CSDC2: variants seen among roughly 807,000 people sequenced by gnomAD.
CSDC2 encodes the protein cold shock domain-containing protein C2.
A neutral mutation model predicts 15.8 loss-of-function variants in CSDC2; 8 were observed. The ratio of observed to expected loss-of-function variants is 0.51; its 90% CI spans 0.30 to 0.92. The LOEUF (loss-of-function observed/expected upper bound fraction) is 0.92. Ranked by LOEUF, CSDC2 falls within the 40% of genes least tolerant of loss-of-function variation. The probability of loss-of-function intolerance (pLI) is 0.07; values close to 1 mark genes in which losing one functional copy is unlikely to be tolerated. For missense variants in CSDC2, 195 were observed against 213.3 expected (o/e 0.91, Z 0.53); for synonymous variants, 96 against 92.3 (o/e 1.04, Z -0.23).
At chr22:41,573,304 G>A (rs2067157623) in intron 2 of CSDC2, among the ~76,000 whole-genome samples, 2 of 151,730 alleles carry the variant, frequency 1.3e-5, no homozygotes, top group Non-Finnish European at 2.9e-5. Flanking sequence ...GCAGTGAGCT[G>A]AGATTGCACC....
At chr22:41,569,605 TTTC>T (rs1334052521) in intron 1 of CSDC2, among the ~76,000 whole-genome samples, 4 of 152,114 alleles carry the variant, frequency 2.6e-5, no homozygotes, top group Non-Finnish European at 4.4e-5. Context: ...TGAATCAGTA[TTTC>T]TTCTTTTCTT....
intron 1 of CSDC2, among the ~76,000 whole-genome samples, chr22:41,568,389 T>A (rs986754360): frequency 9.2e-5 from 14 of 152,100 alleles, no homozygotes; most frequent in Admixed American, 5.9e-4. Context: ...GTTCAAGCAA[T>A]CCTGCTGCCT....
intron 1 of CSDC2, among the ~76,000 whole-genome samples, chr22:41,565,071 C>T (rs867562389): frequency 2.0e-5 from 3 of 151,764 alleles, no homozygotes; most frequent in South Asian, 2.1e-4. Context: ...GAGGCTGAGG[C>T]AGGAGAATCA....
intron 2 of CSDC2, among the ~76,000 whole-genome samples, chr22:41,573,179 C>A (rs2067157030): frequency 6.6e-6 from 1 of 152,078 alleles, no homozygotes; most frequent in Admixed American, 6.6e-5. Flanking sequence ...CACTGCAAAA[C>A]CCTGTCTCTA....
In CSDC2 at chr22:41,573,711, G is replaced by A. The variant is rs773404459; in HGVS notation, c.233G>A (p.Arg78His). 5 of 1,613,616 alleles carry A rather than the reference G, an allele frequency of 3.1e-6. No individual in the cohort carries two copies. The African/African-American group carries it at 4.0e-5, about 13-fold the overall frequency. The change falls in exon 3 of 4, where the codon CGC becomes CAC. Residue 78 changes from arginine (R) to histidine (H), a missense_variant. Arg to His is a conservative substitution (Grantham distance 29). Transcript: ENST00000306149. ...VFKGVCKQFSRSQGHGFITPE... is the reference protein window; with the variant it reads ...VFKGVCKQFSHSQGHGFITPE... Reference sequence around the variant, plus strand: ...AAGGGCGTCTGTAAGCAGTTCTCACGCTCACAGGGCCATGGCTTCATCACC... The same window carrying A: ...AAGGGCGTCTGTAAGCAGTTCTCACACTCACAGGGCCATGGCTTCATCACC...
At chr22:41,570,177 T>A (rs2067138152) in intron 1 of CSDC2, among the ~76,000 whole-genome samples, 1 of 152,222 alleles carries the variant, frequency 6.6e-6, no homozygotes, top group South Asian at 2.1e-4. Flanking sequence ...CAACCTGGCA[T>A]GAGCTTAGAC....
chr22:41,573,800 T>C, intron 3 of CSDC2, 23 bp downstream of exon 3: 1 of 1,602,758 alleles, frequency 6.2e-7, no homozygotes, highest in Non-Finnish European at 8.5e-7. Context: ...CACCTCCCTG[T>C]TCTTGGCCCC....
Position 41,561,081 on chromosome 22 carries a change from C to CACACACACA in CSDC2, c.-225_-224insCACACACAA, listed in dbSNP as rs370154480. ...ACACACACACACACACACACACACA[C>CACACACACA]ATCTTCCAGACCCATCCCCTGCCTG... is the stretch of plus-strand genomic sequence containing the variant. On this transcript the variant is annotated 5_prime_UTR_variant, in exon 1 of 4. Transcript: ENST00000306149. The CACACACACA allele has an allele frequency of 2.5e-4, 17 of 67,752 alleles. No homozygotes were observed. The highest frequency in any genetic ancestry group is 5.6e-4 in the African/African-American group (15 of 26,928). The allele number at this position is 67,752 out of a possible 1,614,324, so 4.2% of individuals were successfully genotyped here.
chr22:41,569,570 T>C (rs2067134508), intron 1 of CSDC2, among the ~76,000 whole-genome samples: 1 of 152,164 alleles, frequency 6.6e-6, no homozygotes, highest in African/African-American at 2.4e-5. Flanking sequence ...GCATAATGTG[T>C]GCAGGGTTCA....
At chr22:41,569,813 T>C (rs2067136180) in intron 1 of CSDC2, among the ~76,000 whole-genome samples, 1 of 131,554 alleles carries the variant, frequency 7.6e-6, no homozygotes, top group Admixed American at 8.9e-5. Context: ...AGAGTCTGGG[T>C]CAGTCACCCA....
rs548825903 is a variant in CSDC2 at position 41,575,384 on chromosome 22, C to T, written c.*489C>T. 2 of 158,528 alleles carry T rather than the reference C, an allele frequency of 1.3e-5. No individual in the cohort carries two copies. The highest frequency in any genetic ancestry group is 1.2e-4 in the Admixed American group (2 of 16,160). 9.8% of individuals were successfully genotyped at this position (158,528 alleles called of 1,614,324 possible). A position where few individuals can be genotyped will look rare whatever the true frequency, so the allele number is the denominator to read the frequency against. On this transcript the variant is annotated 3_prime_UTR_variant, in exon 4 of 4. Coordinates refer to ENST00000306149, the MANE Select transcript of CSDC2 (RefSeq NM_014460.4). ...CTGGACCCTTCCCTCAGAAGCCTGG[C>T]CGATGGGTGCTTTTGGGGAGCCTCT...
intron 1 of CSDC2, among the ~76,000 whole-genome samples, chr22:41,562,194 G>C (rs111676212): frequency 3.3e-5 from 5 of 152,180 alleles, no homozygotes; most frequent in African/African-American, 9.6e-5. Flanking sequence ...TGATCCGGCA[G>C]GGGCCTCTCC....
chr22:41,572,014 C>T lies in CSDC2; in HGVS notation c.49C>T (p.Pro17Ser). The T allele has an allele frequency of 7.3e-7, 1 of 1,363,784 alleles. No individual in the cohort carries two copies. The highest frequency in any genetic ancestry group is 9.5e-7 in the Non-Finnish European group (1 of 1,056,602). 84.5% of individuals were successfully genotyped at this position (1,363,784 alleles called of 1,614,324 possible). A position where few individuals can be genotyped will look rare whatever the true frequency, so the allele number is the denominator to read the frequency against. Residue 17 changes from proline (P) to serine (S), a missense_variant, in exon 2 of 4, where the codon CCC (proline) becomes TCC (serine). Physicochemically the swap from Pro to Ser is moderately conservative, Grantham distance 74. Coordinates refer to ENST00000306149, the MANE Select transcript of CSDC2 (RefSeq NM_014460.4). ...CCCAGTTGTGCCCCCGCTCCACTCC[C>T]CCAAGTCCCCAGTCTGGCCCACCTT... ...SPPVVPPLHS[P>S]KSPVWPTFPF...
chr22:41,569,940 C>T (rs553966188), intron 1 of CSDC2, among the ~76,000 whole-genome samples: 5 of 151,908 alleles, frequency 3.3e-5, no homozygotes, highest in Middle Eastern at 3.4e-3. Flanking sequence ...CCATCACACC[C>T]GATTAATTTT....
intron 1 of CSDC2, among the ~76,000 whole-genome samples, chr22:41,565,947 C>T (rs1288437749): frequency 6.6e-6 from 1 of 152,276 alleles, no homozygotes; most frequent in Non-Finnish European, 1.5e-5. Context: ...TGTGGCTCCT[C>T]CCGACAACCT....
intron 3 of CSDC2, 147 bp downstream of exon 3, chr22:41,573,924 C>T (rs994195840): frequency 4.6e-6 from 5 of 1,096,962 alleles, no homozygotes; most frequent in South Asian, 3.5e-5. Flanking sequence ...GCTGAGGGTG[C>T]GTTGGGAGAG....
At chr22:41,569,209 C>T (rs2067132244) in intron 1 of CSDC2, among the ~76,000 whole-genome samples, 1 of 152,276 alleles carries the variant, frequency 6.6e-6, no homozygotes, top group South Asian at 2.1e-4. Flanking sequence ...GCGTCTGGTG[C>T]TTCCCAGCTG....
rs535399135 is a variant in CSDC2 at position 41,569,461 on chromosome 22, C to T, written c.-123-2382C>T. On this transcript the variant is annotated intron_variant, in intron 1 of 3. Coordinates refer to ENST00000306149, the MANE Select transcript of CSDC2 (RefSeq NM_014460.4). The stretch of plus-strand genomic sequence containing the variant: ...CCTCCTTCCCAGCCCTGGTGACCAC[C>T]AGTGGACTCCCTGTCTATGAGGATT... 2.6e-5 allele frequency among the ~76,000 whole-genome samples: 4 copies of T among 152,304 alleles called. No individual in the cohort carries two copies. In the East Asian group the frequency reaches 7.7e-4, roughly 29 times the overall value.
intron 1 of CSDC2, among the ~76,000 whole-genome samples, chr22:41,565,781 A>G (rs2067110757): frequency 6.6e-6 from 1 of 151,952 alleles, no homozygotes; most frequent in Non-Finnish European, 1.5e-5. Context: ...AAACAGCCTG[A>G]CATTTGTGTT....
Sources: allele counts gnomAD v4.1 joint callset (sites outside exome capture counted in the v4.1 genomes callset), GRCh38; gene constraint gnomAD v4.1.1; transcripts MANE v1.5; gene names NCBI Gene and HGNC (gene_info 2026-07-23, HGNC 2026-07-21).